Variants in CCAR2 observed in about 807,000 individuals in gnomAD.
CCAR2 encodes cell cycle and apoptosis regulator 2.
A neutral mutation model predicts 108.1 loss-of-function variants in CCAR2; 21 were observed. That is an observed-to-expected ratio of 0.19 (90% confidence interval 0.14 to 0.28). The LOEUF (loss-of-function observed/expected upper bound fraction) is 0.28, where lower values mean the gene tolerates loss of function less well. Among genes scored for constraint, CCAR2 ranks in the 10% least tolerant of loss-of-function variants. The probability of loss-of-function intolerance (pLI) is 1.00; values close to 1 mark genes in which losing one functional copy is unlikely to be tolerated. For synonymous variants in CCAR2, 577 were observed against 472.8 expected (o/e 1.22, Z -2.86); for missense variants, 1,126 against 1,177.0 (o/e 0.96, Z 0.63).
chr8:22,606,744 G>A (rs200119484), intron 4 of CCAR2, 46 bp downstream of exon 4: 1 of 1,534,024 alleles, frequency 6.5e-7, no homozygotes. Context: ...ATTGGATTCA[G>A]TTCTGTCACC....
intron 20 of CCAR2, 102 bp from the exon 21 acceptor site, chr8:22,619,536 C>T: frequency 2.1e-6 from 3 of 1,435,430 alleles, no homozygotes; most frequent in Middle Eastern, 1.7e-4. Flanking sequence ...GAGCAGTCAG[C>T]AGCGTGCAGT....
rs1436414702 is a variant in CCAR2 at position 22,617,794 on chromosome 8, G to A, written c.2073+16G>A. ...TCAGGACATGGTGAGGCCTCTTCTC[G>A]ACCACTCTGGGTCTCAGTGGTGGTG... is the stretch of plus-strand genomic sequence containing the variant. On this transcript the variant is annotated intron_variant, in intron 16 of 20. Transcript: ENST00000308511. 4 of 1,612,230 alleles carry A rather than the reference G, an allele frequency of 2.5e-6. No homozygotes were observed. The highest frequency in any genetic ancestry group is 2.2e-5 in the South Asian group (2 of 91,000).
intron 8 of CCAR2, 130 bp from the exon 9 acceptor site, chr8:22,613,962 T>G (rs1801394897): frequency 2.8e-6 from 2 of 723,926 alleles, no homozygotes; most frequent in African/African-American, 3.6e-5. Flanking sequence ...TCTAGCTTCC[T>G]TGAGAGGTGC....
chr8:22,621,476 C>T (rs770111674), downstream of CCAR2: 2 of 1,613,768 alleles, frequency 1.2e-6, no homozygotes, highest in Middle Eastern at 1.6e-4. Context: ...TGGCCTCGTT[C>T]TCCCGCTCCC....
In CCAR2 at chr8:22,620,417, G is replaced by GTTC. The variant is rs1801735717; in HGVS notation, c.*737_*738insCTT. ...GTTTGACTTTGTATATAAAGTTGGG[G>GTTC]TTTTTTTTTTTTTTTTTTGGCTTGT... On this transcript the variant is annotated 3_prime_UTR_variant, in exon 21 of 21. Transcript: ENST00000308511. 1 of 124,092 alleles carries GTTC rather than the reference G, an allele frequency of 8.1e-6. No individual in the cohort carries two copies. Among genetic ancestry groups the GTTC allele is most frequent in the Non-Finnish European group, 1.7e-5 (1 of 59,356 alleles). 7.7% of individuals were successfully genotyped at this position (124,092 alleles called of 1,614,324 possible).
At chr8:22,618,584 G>C in intron 17 of CCAR2, 33 bp from the exon 18 acceptor site, 1 of 1,613,922 alleles carries the variant, frequency 6.2e-7, no homozygotes, top group Non-Finnish European at 8.5e-7. Context: ...GTCGGGGACG[G>C]GGCCTTCTGA....
chr8:22,611,789 T>A (rs1801292608), intron 7 of CCAR2, among the ~76,000 whole-genome samples: 1 of 152,234 alleles, frequency 6.6e-6, no homozygotes, highest in Non-Finnish European at 1.5e-5. Flanking sequence ...TACTCTCAGT[T>A]TATGCTGCTT....
rs202132189 is a variant in CCAR2, at chr8:22,619,128, C to T, written c.2522-22C>T. 10 of 1,603,108 alleles carry T rather than the reference C, an allele frequency of 6.2e-6. No homozygotes were observed. The Admixed American group carries it at 6.8e-5, about 11-fold the overall frequency. ...TGGGCCTTGATGGAGCAGCCGTCCC[C>T]GTTTCCTTCTCCACCTTGCAGAGGA... is the stretch of plus-strand genomic sequence containing the variant. On this transcript the variant is annotated intron_variant, in intron 19 of 20. Coordinates refer to ENST00000308511, the MANE Select transcript of CCAR2 (RefSeq NM_001393997.1).
rs765555594 is a variant in CCAR2, at chr8:22,617,575, TG to T, written c.1990+13del. ...GAGAGGAGGAGTTTGGTATGTTGAG[TG>T]GTGAGAGGGGAGCTTGCAGGCTTGG... On this transcript the variant is annotated intron_variant, in intron 15 of 20. Transcript: ENST00000308511. The T allele has an allele frequency of 1.2e-6, 2 of 1,602,252 alleles. No individual in the cohort carries two copies. Among genetic ancestry groups the T allele is most frequent in the Non-Finnish European group, 1.7e-6 (2 of 1,173,358 alleles).
chr8:22,618,726 T>C lies in CCAR2; in HGVS notation c.2330T>C (p.Phe777Ser). Residue 777 changes from phenylalanine to serine, a missense_variant and splice_region_variant, in exon 18 of 21, where the codon TTC becomes TCC. Physicochemically the swap from Phe to Ser is radical, Grantham distance 155. Transcript: ENST00000308511. ...LDGGLPEEVL[F>S]GNLDLLPPPG... is the part of the protein sequence containing the mutation. ...GGTGGCCTTCCCGAGGAGGTGCTCTTCGGTATGTTCTGGGGCCCTGCAGCC... is the reference window on the plus strand; with the variant it reads ...GGTGGCCTTCCCGAGGAGGTGCTCTCCGGTATGTTCTGGGGCCCTGCAGCC... 1 of 1,613,914 alleles carries C rather than the reference T, an allele frequency of 6.2e-7. No individual in the cohort carries two copies. Among genetic ancestry groups the C allele is most frequent in the Non-Finnish European group, 8.5e-7 (1 of 1,179,996 alleles).
chr8:22,615,388 C>T lies in CCAR2; in HGVS notation c.1206-37C>T, dbSNP rs762247715. The T allele has an allele frequency of 3.8e-6, 6 of 1,598,340 alleles. No homozygotes were observed. In the South Asian group the frequency reaches 5.6e-5, roughly 15 times the overall value. ...GAACGTGGTGTCTGCGTGGAGTTGT[C>T]ACTAAAGAAGTTAGTACCTCCTTTT... On this transcript the variant is annotated intron_variant, in intron 11 of 20. Coordinates refer to ENST00000308511, the MANE Select transcript of CCAR2 (RefSeq NM_001393997.1).
rs1397930381 is a variant in CCAR2 at position 22,614,179 on chromosome 8, A to G, written c.792A>G (p.Leu264=). The G allele has an allele frequency of 3.1e-6, 5 of 1,613,968 alleles. No homozygotes were observed. The highest frequency in any genetic ancestry group is 2.7e-5 in the African/African-American group (2 of 74,922). ...TTCTGTCCGTGCATCTGAGTTGGCT[A>G]TCAGCCTTCCCCCTGAGCCAGCCCT... ...SDFLSVHLSW[L]SAFPLSQPFS... Residue 264 remains leucine (L), a synonymous_variant, in exon 9 of 21, where the codon CTA becomes CTG. Transcript: ENST00000308511.
chr8:22,617,870 G>A, intron 16 of CCAR2, 92 bp downstream of exon 16: 1 of 1,343,636 alleles, frequency 7.4e-7, no homozygotes, highest in Non-Finnish European at 1.1e-6. Context: ...GCTTACCAGT[G>A]ACTTCCTTTC....
In CCAR2 at chr8:22,606,596, TTC is replaced by T; in HGVS notation, c.151-7_151-6del. On this transcript the variant is annotated splice_polypyrimidine_tract_variant and intron_variant, in intron 3 of 20. Transcript: ENST00000308511. Reference sequence around the variant, plus strand: ...TCCCTTTTACTTTTCAGCTGTCTCCTTCTCTTACAGGGTGGGGAGAAACAGCG... The same window carrying T: ...TCCCTTTTACTTTTCAGCTGTCTCCTTCTTACAGGGTGGGGAGAAACAGCG... 6.2e-7 allele frequency: 1 copy of T among 1,609,584 alleles called. No homozygotes were observed. Among genetic ancestry groups the T allele is most frequent in the African/African-American group, 1.3e-5 (1 of 74,932 alleles).
intron 14 of CCAR2, 39 bp downstream of exon 14, chr8:22,616,287 C>A: frequency 6.4e-7 from 1 of 1,571,546 alleles, no homozygotes; most frequent in Non-Finnish European, 8.7e-7. Flanking sequence ...TAGTGCTTAC[C>A]GTGACCGCGC....
chr8:22,617,624 C>G, intron 15 of CCAR2, 60 bp downstream of exon 15: 1 of 1,612,176 alleles, frequency 6.2e-7, no homozygotes, highest in Non-Finnish European at 8.5e-7. Context: ...CACCTGTGGC[C>G]AAGCTGGTTT....
intron 7 of CCAR2, among the ~76,000 whole-genome samples, chr8:22,609,781 C>G (rs934467996): frequency 6.6e-6 from 1 of 152,140 alleles, no homozygotes; most frequent in Non-Finnish European, 1.5e-5. Context: ...TAATTTCAGG[C>G]TTTCTCTATC....
At position 22,607,352 on chromosome 8, in the gene CCAR2, G is replaced by A. The variant is rs769758401; in HGVS notation, c.487+27G>A. On this transcript the variant is annotated intron_variant, in intron 6 of 20. Coordinates refer to ENST00000308511, the MANE Select transcript of CCAR2 (RefSeq NM_001393997.1). Reference sequence around the variant, plus strand: ...TGAGTACGAGTGGCACTGTTGTTGGGTGTGGCATTATGGGGTAGTTTAGAT... The same window carrying A: ...TGAGTACGAGTGGCACTGTTGTTGGATGTGGCATTATGGGGTAGTTTAGAT... 1.8e-4 allele frequency: 297 copies of A among 1,605,576 alleles called. 1 individual carries two copies. The Admixed American group carries it at 4.9e-3, about 27-fold the overall frequency.
chr8:22,616,360 C>A, intron 14 of CCAR2, 112 bp downstream of exon 14: 2 of 999,016 alleles, frequency 2.0e-6, no homozygotes, highest in East Asian at 2.4e-5. Context: ...TGCACCCTTG[C>A]TCGGCATGGA....
Sources: allele counts gnomAD v4.1 joint callset (sites outside exome capture counted in the v4.1 genomes callset), GRCh38; gene constraint gnomAD v4.1.1; transcripts MANE v1.5; gene names NCBI Gene and HGNC (gene_info 2026-07-23, HGNC 2026-07-21).